The following RB1 variants were observed in gnomAD, a reference collection of about 807,000 sequenced individuals.
RB1 encodes RB transcriptional corepressor 1.
In RB1, 18 loss-of-function variants were observed where a neutral mutation model predicts 135.4. The ratio of observed to expected loss-of-function variants is 0.13; its 90% confidence interval spans 0.09 to 0.20. The LOEUF (loss-of-function observed/expected upper bound fraction) is 0.20. Ranked by LOEUF, RB1 falls within the 10% of genes least tolerant of loss-of-function variation. The pLI is 1.00. For missense variants in RB1, 868 were observed against 1,110.0 expected, an observed-to-expected ratio of 0.78 and a Z score of 3.10; for synonymous variants, 365 against 373.2, an observed-to-expected ratio of 0.98 and a Z score of 0.25.
At chr13:48,381,573 C>A in intron 17 of RB1, 130 bp downstream of exon 17, 1 of 918,432 alleles carries the variant, frequency 1.1e-6, no homozygotes, top group Non-Finnish European at 1.7e-6. Flanking sequence ...TTATTTCAGT[C>A]TATAGCCCAA....
intron 2 of RB1, among the ~76,000 whole-genome samples, chr13:48,337,776 G>T (rs1215814265): frequency 2.0e-5 from 3 of 152,120 alleles, no homozygotes; most frequent in Non-Finnish European, 4.4e-5. Context: ...TCCTAGCCTC[G>T]ATGGTCTTTA....
At chr13:48,389,400 C>A (rs1329671159) in intron 17 of RB1, among the ~76,000 whole-genome samples, 6 of 151,776 alleles carry the variant, frequency 4.0e-5, no homozygotes, top group African/African-American at 1.5e-4. Flanking sequence ...TGGCTTTTAT[C>A]AAAAGTTTTG....
chr13:48,442,096 A>G (rs924501354), intron 17 of RB1, among the ~76,000 whole-genome samples: 1 of 152,180 alleles, frequency 6.6e-6, no homozygotes, highest in African/African-American at 2.4e-5. Context: ...GACTTTCATC[A>G]TATTCAGACA....
In RB1 at chr13:48,345,168, G is replaced by A. The variant is rs2138087706; in HGVS notation, c.469G>A (p.Val157Ile). 1 of 1,612,670 alleles carries A rather than the reference G, an allele frequency of 6.2e-7. No individual in the cohort carries two copies. The highest frequency in any genetic ancestry group is 8.5e-7 in the Non-Finnish European group (1 of 1,179,522). ...AMSRLLKKYD[V>I]LFALFSKLER... ...GTCAAGACTGTTGAAGAAGTATGATGTATTGTTTGCACTCTTCAGCAAATT... is the reference window on the plus strand; with the variant it reads ...GTCAAGACTGTTGAAGAAGTATGATATATTGTTTGCACTCTTCAGCAAATT... The change falls in exon 4 of 27, where the codon GTA (valine) becomes ATA (isoleucine). Residue 157 changes from valine (V) to isoleucine (I), a missense_variant. Coordinates refer to ENST00000267163, the MANE Select transcript of RB1 (RefSeq NM_000321.3).
chr13:48,436,737 G>C (rs1038398331), intron 17 of RB1, among the ~76,000 whole-genome samples: 1 of 152,082 alleles, frequency 6.6e-6, no homozygotes, highest in Non-Finnish European at 1.5e-5. Flanking sequence ...AAGGTAAAAT[G>C]GAAAAGATCT....
At chr13:48,409,398 A>G (rs1948769774) in intron 17 of RB1, among the ~76,000 whole-genome samples, 1 of 152,030 alleles carries the variant, frequency 6.6e-6, no homozygotes. Flanking sequence ...TCAAACCCAG[A>G]GAACAGCAAA....
At chr13:48,426,501 A>G (rs1949081121) in intron 17 of RB1, 1 of 152,238 alleles carries the variant, frequency 6.6e-6, no homozygotes, top group African/African-American at 2.4e-5. Context: ...AACACATTGC[A>G]TATTGCATTA....
At chr13:48,320,525 C>A (rs746522112) in intron 2 of RB1, 1 of 558,328 alleles carries the variant, frequency 1.8e-6, no homozygotes, top group Non-Finnish European at 3.2e-6. Flanking sequence ...ATTTCTCTGC[C>A]AGCTTCATAT....
chr13:48,304,116 C>A (rs2138028473), intron 1 of RB1, 67 bp downstream of exon 1: 1 of 1,322,916 alleles, frequency 7.6e-7, no homozygotes, highest in Non-Finnish European at 9.6e-7. Flanking sequence ...GGGCGGGCGC[C>A]AAGGCGGCTC....
chr13:48,411,366 C>G (rs1470269876), intron 17 of RB1: 1 of 1,583,512 alleles, frequency 6.3e-7, no homozygotes, highest in Admixed American at 1.7e-5. Flanking sequence ...AGTTCTGTCC[C>G]AGTGAGTCCT....
intron 2 of RB1, among the ~76,000 whole-genome samples, chr13:48,328,785 C>A (rs1952309904): frequency 1.3e-5 from 2 of 152,164 alleles, no homozygotes. Context: ...TCATAGGATT[C>A]AAATCAGTGT....
intron 2 of RB1, among the ~76,000 whole-genome samples, chr13:48,323,763 A>G (rs1252378190): frequency 2.0e-5 from 3 of 152,100 alleles, no homozygotes; most frequent in Admixed American, 2.0e-4. Context: ...GGAACCATGG[A>G]AGAAATCTTT....
chr13:48,318,686 A>G, intron 2 of RB1: 2 of 617,098 alleles, frequency 3.2e-6, no homozygotes, highest in Non-Finnish European at 5.9e-6. Flanking sequence ...GCCTCATGGC[A>G]TGGCCGCCGC....
chr13:48,363,943 A>G (rs914281212), intron 8 of RB1, among the ~76,000 whole-genome samples: 1 of 152,174 alleles, frequency 6.6e-6, no homozygotes, highest in Non-Finnish European at 1.5e-5. Flanking sequence ...GTCCACAATC[A>G]CTAACACCAG....
intron 6 of RB1, among the ~76,000 whole-genome samples, chr13:48,350,225 C>A (rs1421074846): frequency 6.6e-6 from 1 of 151,992 alleles, no homozygotes; most frequent in Non-Finnish European, 1.5e-5. Context: ...ACATTTCATC[C>A]AAGAATATAC....
chr13:48,319,435 T>C lies in RB1; in HGVS notation c.264+12029T>C. The stretch of plus-strand genomic sequence containing the variant: ...GACGCCTCGGGCGCCTGCGCCGCAC[T>C]TGTGACTTGCTTTCCCCTTCTCAGG... On this transcript the variant is annotated intron_variant, in intron 2 of 26. Coordinates refer to ENST00000267163, the MANE Select transcript of RB1 (RefSeq NM_000321.3). This position sits in a 1 kb window ranked among gnomAD's most constrained non-coding sequence, Gnocchi z 5.0. The C allele has an allele frequency of 2.8e-6, 1 of 360,632 alleles. No homozygotes were observed. The allele number at this position is 360,632 out of a possible 1,614,324, so 22.3% of individuals were successfully genotyped here.
chr13:48,356,511 G>A (rs1474986316), intron 6 of RB1, among the ~76,000 whole-genome samples: 1 of 151,906 alleles, frequency 6.6e-6, no homozygotes, highest in African/African-American at 2.4e-5. Context: ...TTAAGTTTGT[G>A]TTTTTATTTA....
chr13:48,442,531 C>G (rs527321901), intron 17 of RB1, among the ~76,000 whole-genome samples: 18 of 152,194 alleles, frequency 1.2e-4, no homozygotes, highest in African/African-American at 4.3e-4. Context: ...TCCTACTGTA[C>G]TTAGGATAAA....
chr13:48,306,425 A>T (rs981334374), intron 1 of RB1, among the ~76,000 whole-genome samples: 1 of 152,180 alleles, frequency 6.6e-6, no homozygotes, highest in Non-Finnish European at 1.5e-5. Context: ...AAAAAAACAA[A>T]AACTAATTAT....
Sources: gnomAD v4.1 joint callset for allele counts (sites outside exome capture counted in the v4.1 genomes callset) on GRCh38, gnomAD v4.1.1 for gene constraint, Gnocchi (gnomAD v3.1) non-coding constraint, MANE v1.5 for transcripts, NCBI Gene and HGNC (gene_info 2026-07-23, HGNC 2026-07-21) for gene names.